Variants in PPM1H observed in about 807,000 individuals in gnomAD.
PPM1H encodes the protein protein phosphatase 1H.
PPM1H carries 27 observed loss-of-function variants against 54.9 expected under a neutral mutation model. The ratio of observed to expected loss-of-function variants is 0.49; its 90% CI spans 0.36 to 0.68. The LOEUF (loss-of-function observed/expected upper bound fraction) is 0.68, where lower values mean the gene tolerates loss of function less well. Among genes scored for constraint, PPM1H ranks in the 30% least tolerant of loss-of-function variants. The pLI is 0.00. For synonymous variants in PPM1H, 305 were observed against 270.8 expected (o/e 1.13, Z -1.24); for missense variants, 596 against 667.8 (o/e 0.89, Z 1.19).
At chr12:62,759,689 CCT>C (rs1334129009) in intron 4 of PPM1H, among the ~76,000 whole-genome samples, 3 of 151,592 alleles carry the variant, frequency 2.0e-5, no homozygotes, top group African/African-American at 7.3e-5. Flanking sequence ...GGCAAGCACC[CCT>C]GACTCCTTCT....
Position 62,894,402 on chromosome 12 carries a change from G to A in PPM1H, c.245+40090C>T, listed in dbSNP as rs190155499. ...TTTAGATGAGAACGTTGCTCCTCGT[G>A]TTAACAAGGAACTCTCCTAGTATGT... On this transcript the variant is annotated intron_variant, in intron 1 of 9. Transcript: ENST00000228705. Among the ~76,000 whole-genome samples the A allele has an allele frequency of 2.2e-3, 329 of 152,262 alleles. 1 individual carries two copies. The highest frequency in any genetic ancestry group is 0.01 in the Middle Eastern group (3 of 294).
At chr12:62,796,344 C>A (rs1339787089) in intron 3 of PPM1H, among the ~76,000 whole-genome samples, 1 of 152,166 alleles carries the variant, frequency 6.6e-6, no homozygotes. Context: ...AGTCCCCCAA[C>A]TGACTCCCAC....
chr12:62,732,723 C>T (rs1466507350), intron 5 of PPM1H, among the ~76,000 whole-genome samples: 1 of 152,038 alleles, frequency 6.6e-6, no homozygotes, highest in African/African-American at 2.4e-5. Flanking sequence ...AGGCGCCCGC[C>T]ACTACGCCCG....
At chr12:62,821,505 G>T (rs1190295292) in intron 2 of PPM1H, among the ~76,000 whole-genome samples, 1 of 152,182 alleles carries the variant, frequency 6.6e-6, no homozygotes, top group Non-Finnish European at 1.5e-5. Flanking sequence ...AGGAAAAAAT[G>T]TTAAGGGCAG....
At chr12:62,807,649 G>A (rs555596693) in intron 2 of PPM1H, among the ~76,000 whole-genome samples, 2 of 152,122 alleles carry the variant, frequency 1.3e-5, no homozygotes, top group African/African-American at 2.4e-5. Context: ...ATAAAAACAA[G>A]TTTATAATGA....
chr12:62,883,650 A>G (rs1159287249), intron 1 of PPM1H, among the ~76,000 whole-genome samples: 3 of 152,206 alleles, frequency 2.0e-5, no homozygotes, highest in Non-Finnish European at 4.4e-5. Flanking sequence ...AGAAGCAAGA[A>G]AGCCTAGATT....
intron 4 of PPM1H, among the ~76,000 whole-genome samples, chr12:62,739,352 G>C (rs1405130041): frequency 6.6e-6 from 1 of 152,130 alleles, no homozygotes; most frequent in Non-Finnish European, 1.5e-5. Flanking sequence ...ACTATAACAA[G>C]GGAGTAGGAG....
At chr12:62,783,144 T>C (rs953428365) in intron 4 of PPM1H, among the ~76,000 whole-genome samples, 1 of 152,160 alleles carries the variant, frequency 6.6e-6, no homozygotes, top group African/African-American at 2.4e-5. Flanking sequence ...AAACACAACA[T>C]TTAAAATAGT....
chr12:62,907,519 G>A (rs1397852035), intron 1 of PPM1H, among the ~76,000 whole-genome samples: 2 of 152,136 alleles, frequency 1.3e-5, no homozygotes, highest in African/African-American at 4.8e-5. Context: ...ACCTGTCAGC[G>A]GTTCTTTCTC....
intron 4 of PPM1H, among the ~76,000 whole-genome samples, chr12:62,775,462 T>G (rs1296624415): frequency 6.6e-6 from 1 of 152,374 alleles, no homozygotes; most frequent in Admixed American, 6.5e-5. Flanking sequence ...GTACCAACAA[T>G]GGACCCACTG....
Position 62,856,819 on chromosome 12 carries a change from G to T in PPM1H, c.246-24540C>A, listed in dbSNP as rs1869406691. On this transcript the variant is annotated intron_variant, in intron 1 of 9. Transcript: ENST00000228705. ...AAATTTTACTTTAGAGAGTGAAGCA[G>T]TATTTATAACAATGGATGGGATCTT... Among the ~76,000 whole-genome samples the T allele has an allele frequency of 2.0e-5, 3 of 152,126 alleles. No individual in the cohort carries two copies. In the South Asian group the frequency reaches 6.2e-4, roughly 32 times the overall value.
Position 62,801,841 on chromosome 12 carries a change from G to T in PPM1H, c.731C>A (p.Ala244Glu). The T allele has an allele frequency of 6.2e-7, 1 of 1,613,886 alleles. No individual in the cohort carries two copies. The highest frequency in any genetic ancestry group is 8.5e-7 in the Non-Finnish European group (1 of 1,179,820). ...KIPHECLVIG[A>E]LESAFKEMDL... Reference sequence around the variant, plus strand: ...CATTTCCTTGAATGCACTTTCAAGCGCTCCGATGACCAGGCACTCATGGGG... The same window carrying T: ...CATTTCCTTGAATGCACTTTCAAGCTCTCCGATGACCAGGCACTCATGGGG... The change falls in exon 3 of 10, where the codon GCG (alanine) becomes GAG (glutamate). Residue 244 changes from alanine (A) to glutamate (E), a missense_variant. Physicochemically the swap from Ala to Glu is moderately radical, Grantham distance 107. Around this residue, in one of 3 missense-constraint regions of PPM1H, gnomAD observed 382 missense variants for 387.1 expected, o/e 0.99. Coordinates refer to ENST00000228705, the MANE Select transcript of PPM1H (RefSeq NM_020700.2).
At chr12:62,687,562 CTTTT>C (rs559654707) in intron 8 of PPM1H, among the ~76,000 whole-genome samples, 1 of 141,898 alleles carries the variant, frequency 7.0e-6, no homozygotes. Context: ...TCTTGCAGTA[CTTTT>C]TTTTTTTTTT....
intron 9 of PPM1H, among the ~76,000 whole-genome samples, chr12:62,651,590 T>C (rs1272227482): frequency 1.3e-5 from 2 of 152,118 alleles, no homozygotes; most frequent in Admixed American, 6.5e-5. Flanking sequence ...GTAATTAAGG[T>C]TTCATTCTTC....
At chr12:62,721,371 T>C (rs536139095) in intron 5 of PPM1H, among the ~76,000 whole-genome samples, 3 of 152,302 alleles carry the variant, frequency 2.0e-5, no homozygotes, top group Non-Finnish European at 1.5e-5. Context: ...TGCCCAGATA[T>C]GGAACTCTGA....
intron 1 of PPM1H, among the ~76,000 whole-genome samples, chr12:62,882,092 CT>C (rs1387116529): frequency 2.0e-5 from 3 of 152,192 alleles, no homozygotes; most frequent in African/African-American, 7.2e-5. Context: ...TCCAACAATA[CT>C]AATAAATAAA....
intron 1 of PPM1H, among the ~76,000 whole-genome samples, chr12:62,921,081 C>T (rs1252280962): frequency 6.6e-6 from 1 of 152,012 alleles, no homozygotes; most frequent in Non-Finnish European, 1.5e-5. Context: ...CCTGCTACCA[C>T]ACCCAGCTAG....
chr12:62,820,751 C>T (rs912159197), intron 2 of PPM1H, among the ~76,000 whole-genome samples: 1 of 152,158 alleles, frequency 6.6e-6, no homozygotes, highest in Non-Finnish European at 1.5e-5. Context: ...TCCACACCAA[C>T]ACCCCATCTG....
At chr12:62,683,037 TTATTATTA>T (rs1565755358) in intron 8 of PPM1H, among the ~76,000 whole-genome samples, 120 of 24,984 alleles carry the variant, frequency 4.8e-3, no homozygotes, top group African/African-American at 0.012. Context: ...TTATTATTTA[TTATTATTA>T]TTATTATTAT....
Sources: gnomAD v4.1 joint callset for allele counts (sites outside exome capture counted in the v4.1 genomes callset) on GRCh38, gnomAD v4.1.1 for gene constraint, gnomAD v4.1.1 regional missense constraint, MANE v1.5 for transcripts, NCBI Gene and HGNC (gene_info 2026-07-23, HGNC 2026-07-21) for gene names.